APOO: variants seen among roughly 807,000 people sequenced by gnomAD.
APOO encodes the protein apolipoprotein O, also known as MICOS complex subunit MIC26.
A neutral mutation model predicts 23.1 loss-of-function variants in APOO; 11 were observed. That is an observed-to-expected ratio of 0.48 (90% CI 0.30 to 0.79). The LOEUF (loss-of-function observed/expected upper bound fraction) is 0.79. Among genes scored for constraint, APOO ranks in the 30% least tolerant of loss-of-function variants. The pLI, the probability that APOO is intolerant of heterozygous loss-of-function variation, is 0.07. For missense variants in APOO, 160 were observed against 142.7 expected (o/e 1.12, Z -0.62); for synonymous variants, 59 against 54.8 (o/e 1.08, Z -0.34).
chrX:23,839,003 T>C (rs927877979), intron 8 of APOO, among the ~76,000 whole-genome samples: 1 of 111,729 alleles, frequency 9.0e-6, no homozygotes, highest in African/African-American at 3.3e-5. Context: ...TATAACCATA[T>C]TAAAAGTCAA....
At chrX:23,836,123 A>G (rs1923653286) in intron 8 of APOO, among the ~76,000 whole-genome samples, 1 of 112,151 alleles carries the variant, frequency 8.9e-6, no homozygotes, top group African/African-American at 3.2e-5. Flanking sequence ...GATGTTAAGG[A>G]ATTAGTGCAA....
intron 1 of APOO, among the ~76,000 whole-genome samples, chrX:23,895,820 T>C (rs1433561319): frequency 9.4e-6 from 1 of 106,300 alleles, no homozygotes; most frequent in Non-Finnish European, 1.9e-5. Flanking sequence ...ATAATAAGAT[T>C]ATCTCATTCT....
chrX:23,907,648 G>A (rs1353265698), intron 1 of APOO, 46 bp downstream of exon 1: 1 of 1,146,445 alleles, frequency 8.7e-7, no homozygotes, highest in Non-Finnish European at 1.2e-6. Context: ...GGCTCGGGCG[G>A]CCGGGAGGGG....
chrX:23,841,425 C>T (rs1028096638), intron 7 of APOO, among the ~76,000 whole-genome samples: 1 of 95,871 alleles, frequency 1.0e-5, no homozygotes, highest in African/African-American at 3.9e-5. Flanking sequence ...GAGGCCGAGG[C>T]GGGAGGATCC....
intron 1 of APOO, 28 bp from the exon 2 acceptor site, chrX:23,880,980 C>G: frequency 9.6e-7 from 1 of 1,042,515 alleles, no homozygotes; most frequent in Non-Finnish European, 1.3e-6. Flanking sequence ...TCTTAAACCT[C>G]TCTATGTTAC....
chrX:23,899,141 G>T lies in APOO; in HGVS notation c.9+8553C>A, dbSNP rs778914579. Among the ~76,000 whole-genome samples, 31 of 111,957 alleles carry T rather than the reference G, an allele frequency of 2.8e-4. 1 individual carries two copies. Among genetic ancestry groups the T allele is most frequent in the Non-Finnish European group, 3.9e-4 (21 of 53,212 alleles). On this transcript the variant is annotated intron_variant, in intron 1 of 8. Transcript: ENST00000379226. ...GAAGTCCTTAAGCGGGAGCCAGTGT[G>T]GGCTTTGAATAAAACACGCTGCATT...
chrX:23,879,257 G>A (rs891915274), intron 2 of APOO, among the ~76,000 whole-genome samples: 9 of 111,253 alleles, frequency 8.1e-5, no homozygotes, highest in African/African-American at 2.6e-4. Context: ...CCAACATGGC[G>A]AAACCCAGTC....
chrX:23,878,763 T>A, intron 3 of APOO, 152 bp downstream of exon 3: 5 of 617,085 alleles, frequency 8.1e-6, no homozygotes, highest in Non-Finnish European at 1.2e-5. Context: ...CATCCCCACC[T>A]TTCCCCCAGA....
chrX:23,880,694 G>T (rs758450769), intron 2 of APOO, 151 bp downstream of exon 2: 1 of 158,278 alleles, frequency 6.3e-6, no homozygotes, highest in African/African-American at 5.2e-5. Flanking sequence ...GCGAAACTCC[G>T]TCTCAAAATA....
intron 5 of APOO, among the ~76,000 whole-genome samples, chrX:23,868,012 A>G (rs1925422827): frequency 8.9e-6 from 1 of 112,511 alleles, no homozygotes; most frequent in South Asian, 3.6e-4. Flanking sequence ...TTATATCATA[A>G]ACATTTAGTT....
At position 23,837,273 on chromosome X, in the gene APOO, G is replaced by A. The variant is rs776143086; in HGVS notation, c.*29+3040C>T. On this transcript the variant is annotated intron_variant, in intron 8 of 8. Transcript: ENST00000379226. Reference sequence around the variant, plus strand: ...CTGTGCGTCCCTTCAGAGTAATGTCGACATTTTCTGGAATGTCGACAGTCT... The same window carrying A: ...CTGTGCGTCCCTTCAGAGTAATGTCAACATTTTCTGGAATGTCGACAGTCT... The A allele has an allele frequency of 2.8e-4, 139 of 505,159 alleles. 1 individual carries two copies. Among genetic ancestry groups the A allele is most frequent in the Middle Eastern group, 2.4e-3 (6 of 2,526 alleles). The allele number at this position is 505,159 out of a possible 1,213,427, so 41.6% of individuals were successfully genotyped here. A position where few individuals can be genotyped will look rare whatever the true frequency, so the allele number is the denominator to read the frequency against.
At chrX:23,869,360 C>T (rs1424198345) in intron 4 of APOO, among the ~76,000 whole-genome samples, 1 of 111,251 alleles carries the variant, frequency 9.0e-6, no homozygotes, top group Non-Finnish European at 1.9e-5. Flanking sequence ...GCTATTCAAA[C>T]TCTTGTTATG....
chrX:23,906,069 A>G (rs1250485310), intron 1 of APOO, among the ~76,000 whole-genome samples: 1 of 112,554 alleles, frequency 8.9e-6, no homozygotes, highest in Non-Finnish European at 1.9e-5. Flanking sequence ...TTTTGACATC[A>G]GCAAACATGA....
At chrX:23,847,635 A>G (rs1924308589) in intron 7 of APOO, among the ~76,000 whole-genome samples, 1 of 107,481 alleles carries the variant, frequency 9.3e-6, no homozygotes, top group African/African-American at 3.4e-5. Context: ...CAAAAAAAAG[A>G]AAAGAAAAGA....
chrX:23,870,191 G>A (rs942441956), intron 4 of APOO, among the ~76,000 whole-genome samples: 20 of 110,641 alleles, frequency 1.8e-4, no homozygotes, highest in Admixed American at 1.7e-3. Flanking sequence ...TTCACATAAT[G>A]CCTCGTCTCC....
chrX:23,860,024 C>A (rs1213915403), intron 5 of APOO, among the ~76,000 whole-genome samples: 3 of 111,358 alleles, frequency 2.7e-5, no homozygotes, highest in African/African-American at 9.8e-5. Flanking sequence ...CATTAATAAA[C>A]CCACAATGAA....
chrX:23,899,656 T>C (rs1601945048), intron 1 of APOO, among the ~76,000 whole-genome samples: 2 of 112,489 alleles, frequency 1.8e-5, no homozygotes, highest in South Asian at 7.2e-4. Context: ...TAAAGATCTC[T>C]TAGTACTTTC....
chrX:23,865,674 GGC>G (rs1272232998), intron 5 of APOO, among the ~76,000 whole-genome samples: 2 of 109,058 alleles, frequency 1.8e-5, no homozygotes, highest in Non-Finnish European at 3.8e-5. Context: ...CCCTCAAAGG[GGC>G]CCATTCACCT....
At position 23,869,585 on chromosome X, in the gene APOO, C is replaced by CCAGCCTGA. The variant is rs369044160; in HGVS notation, c.293-905_293-898dup. On this transcript the variant is annotated intron_variant, in intron 4 of 8. Coordinates refer to ENST00000379226, the MANE Select transcript of APOO (RefSeq NM_024122.5). ...TGAGCTAGGATTGAGCCACTGCACT[C>CCAGCCTGA]CAGCCTGACAGCCTGACAGCCTGAG... Among the ~76,000 whole-genome samples the CCAGCCTGA allele has an allele frequency of 4.9e-3, 498 of 100,962 alleles. 8 individuals carry two copies. The highest frequency in any genetic ancestry group is 0.017 in the African/African-American group (463 of 27,254). The allele number at this position is 100,962 out of a possible 115,157, so 87.7% of individuals were successfully genotyped here.
Sources: allele counts gnomAD v4.1 joint callset (sites outside exome capture counted in the v4.1 genomes callset), GRCh38; gene constraint gnomAD v4.1.1; transcripts MANE v1.5; gene names NCBI Gene and HGNC (gene_info 2026-07-23, HGNC 2026-07-21).